The following RUNX2 variants were observed in gnomAD, a reference collection of about 807,000 sequenced individuals.
The protein encoded by RUNX2 is runt-related transcription factor 2.
A neutral mutation model predicts 51.7 loss-of-function variants in RUNX2; 10 were observed. The ratio of observed to expected loss-of-function variants is 0.19; its 90% CI spans 0.12 to 0.33. The LOEUF (loss-of-function observed/expected upper bound fraction) is 0.33, where lower values mean the gene tolerates loss of function less well. Among genes scored for constraint, RUNX2 ranks in the 10% least tolerant of loss-of-function variants. The probability of loss-of-function intolerance (pLI) is 1.00; values close to 1 mark genes in which losing one functional copy is unlikely to be tolerated. For synonymous variants in RUNX2, 276 were observed against 273.6 expected, an observed-to-expected ratio of 1.01 and a Z score of -0.09; for missense variants, 562 against 691.3, an observed-to-expected ratio of 0.81 and a Z score of 2.10.
chr6:45,547,677 C>G lies in RUNX2; in HGVS notation c.*372C>G, dbSNP rs1299202954. ...ACTCCAGGTTCAGGAGGGAGAAGAG[C>G]AAAGCCGCTTCCTCTCTGTGCTTTG... On this transcript the variant is annotated 3_prime_UTR_variant, in exon 9 of 9. Coordinates refer to ENST00000647337, the MANE Select transcript of RUNX2 (RefSeq NM_001024630.4). The G allele has an allele frequency of 3.2e-6, 1 of 313,728 alleles. No individual in the cohort carries two copies. Among genetic ancestry groups the G allele is most frequent in the Non-Finnish European group, 6.1e-6 (1 of 163,190 alleles). The allele number at this position is 313,728 out of a possible 1,614,324, so 19.4% of individuals were successfully genotyped here. A position where few individuals can be genotyped will look rare whatever the true frequency, so the allele number is the denominator to read the frequency against.
At chr6:45,434,247 G>C (rs1424241028) in intron 4 of RUNX2, among the ~76,000 whole-genome samples, 1 of 152,036 alleles carries the variant, frequency 6.6e-6, no homozygotes, top group African/African-American at 2.4e-5. Context: ...CCTTTAACCT[G>C]CCTTTGTACC....
At chr6:45,425,155 A>G (rs905246330) in intron 3 of RUNX2, among the ~76,000 whole-genome samples, 7 of 152,222 alleles carry the variant, frequency 4.6e-5, no homozygotes, top group African/African-American at 1.7e-4. Flanking sequence ...ATGTGAAAAT[A>G]TAAGAACAGA....
In RUNX2 at chr6:45,444,811, C is replaced by T. The variant is rs916878259; in HGVS notation, c.685+6760C>T. On this transcript the variant is annotated intron_variant, in intron 5 of 8. Coordinates refer to ENST00000647337, the MANE Select transcript of RUNX2 (RefSeq NM_001024630.4). ...AAGACATCATCTCATTTTTCTCTTA[C>T]GCTGTTCCACCTAGTTCTGGGACTG... Among the ~76,000 whole-genome samples the T allele has an allele frequency of 5.3e-5, 8 of 152,182 alleles. No individual in the cohort carries two copies. The East Asian group carries it at 5.8e-4, about 11-fold the overall frequency.
intron 7 of RUNX2, among the ~76,000 whole-genome samples, chr6:45,541,127 C>T (rs748381405): frequency 6.6e-6 from 1 of 152,090 alleles, no homozygotes; most frequent in Non-Finnish European, 1.5e-5. Flanking sequence ...TCCTTAGACT[C>T]ATTTACGTAT....
At chr6:45,476,391 AT>A (rs11332021) in intron 5 of RUNX2, among the ~76,000 whole-genome samples, 40,231 of 151,872 alleles carry the variant, frequency 0.26, 6,037 homozygotes, top group Non-Finnish European at 0.34. Flanking sequence ...AATTTTGGAG[AT>A]TTTTGTTGTT....
chr6:45,470,633 T>TTTTGATCAGATTGTCC (rs1444449162), intron 5 of RUNX2, among the ~76,000 whole-genome samples: 3 of 152,238 alleles, frequency 2.0e-5, no homozygotes, highest in Admixed American at 1.3e-4. Flanking sequence ...CAAGATTGTC[T>TTTTGATCAGATTGTCC]TTTGATCAGA....
At chr6:45,440,500 G>A (rs1207494993) in intron 5 of RUNX2, among the ~76,000 whole-genome samples, 1 of 152,202 alleles carries the variant, frequency 6.6e-6, no homozygotes. Context: ...TTTAGACTCT[G>A]TGGGCCGTAT....
At chr6:45,415,759 C>T (rs1199935566) in intron 2 of RUNX2, among the ~76,000 whole-genome samples, 2 of 151,906 alleles carry the variant, frequency 1.3e-5, no homozygotes, top group African/African-American at 4.8e-5. Flanking sequence ...TCCCCACCGA[C>T]AAAACATGAT....
chr6:45,529,250 A>G (rs1005896622), intron 7 of RUNX2, among the ~76,000 whole-genome samples: 8 of 152,188 alleles, frequency 5.3e-5, no homozygotes, highest in Admixed American at 2.0e-4. Context: ...TGTACTGAAA[A>G]CTATTACAGC....
At chr6:45,509,556 T>C (rs538243278) in intron 6 of RUNX2, among the ~76,000 whole-genome samples, 1 of 152,310 alleles carries the variant, frequency 6.6e-6, no homozygotes, top group East Asian at 1.9e-4. Flanking sequence ...ACCACTTTAC[T>C]ATATTCACTT....
intron 3 of RUNX2, 21 bp downstream of exon 3, chr6:45,422,978 C>A: frequency 1.2e-6 from 2 of 1,604,304 alleles, no homozygotes; most frequent in Non-Finnish European, 1.7e-6. Context: ...ACACCGCCCC[C>A]CGCCCCCGGC....
intron 5 of RUNX2, among the ~76,000 whole-genome samples, chr6:45,464,623 G>A (rs569899561): frequency 2.0e-5 from 3 of 152,238 alleles, no homozygotes; most frequent in South Asian, 4.1e-4. Context: ...GTCAATGTCC[G>A]AGCATTATCC....
chr6:45,536,579 A>C (rs1168166597), intron 7 of RUNX2, among the ~76,000 whole-genome samples: 1 of 152,156 alleles, frequency 6.6e-6, no homozygotes, highest in African/African-American at 2.4e-5. Context: ...ATTTGAAAAA[A>C]ATAGTGCCCC....
chr6:45,497,741 A>G (rs1389551654), intron 6 of RUNX2, among the ~76,000 whole-genome samples: 1 of 152,042 alleles, frequency 6.6e-6, no homozygotes, highest in Non-Finnish European at 1.5e-5. Flanking sequence ...TGGACTTTTC[A>G]AAGTCTAGGG....
intron 5 of RUNX2, among the ~76,000 whole-genome samples, chr6:45,467,900 A>G (rs1207997884): frequency 2.6e-5 from 4 of 152,232 alleles, no homozygotes; most frequent in Non-Finnish European, 5.9e-5. Flanking sequence ...AGGGAATTGT[A>G]GTGATTACCA....
intron 7 of RUNX2, among the ~76,000 whole-genome samples, chr6:45,526,659 G>A (rs1230369514): frequency 6.6e-6 from 1 of 152,168 alleles, no homozygotes; most frequent in East Asian, 1.9e-4. Flanking sequence ...GCACCGTTCT[G>A]CCCACTGGAG....
intron 2 of RUNX2, among the ~76,000 whole-genome samples, chr6:45,399,864 T>C (rs1010555731): frequency 1.5e-5 from 2 of 129,554 alleles, no homozygotes; most frequent in African/African-American, 5.8e-5. Flanking sequence ...GGAGGGAGAT[T>C]GAATATAATA....
chr6:45,415,940 A>G (rs138069186), intron 2 of RUNX2, among the ~76,000 whole-genome samples: 2 of 152,324 alleles, frequency 1.3e-5, no homozygotes, highest in Admixed American at 6.5e-5. Context: ...TCAGGAAAAG[A>G]TCCTGCCAAT....
chr6:45,366,840 C>T (rs1451309448), intron 2 of RUNX2, among the ~76,000 whole-genome samples: 1 of 152,114 alleles, frequency 6.6e-6, no homozygotes, highest in Non-Finnish European at 1.5e-5. Flanking sequence ...CAGACCCTTC[C>T]CCTCTTGTCC....
Sources: allele counts gnomAD v4.1 joint callset (sites outside exome capture counted in the v4.1 genomes callset), GRCh38; gene constraint gnomAD v4.1.1; transcripts MANE v1.5; gene names NCBI Gene and HGNC (gene_info 2026-07-23, HGNC 2026-07-21).